SPATA17: variants seen among roughly 807,000 people sequenced by gnomAD.
SPATA17 encodes spermatogenesis-associated protein 17.
A neutral mutation model predicts 62.2 loss-of-function variants in SPATA17; 53 were observed. That is an observed-to-expected ratio of 0.85 (90% CI 0.68 to 1.07). The LOEUF is 1.07. Among genes scored for constraint, SPATA17 ranks in the 50% least tolerant of loss-of-function variants. The pLI, the probability that SPATA17 is intolerant of heterozygous loss-of-function variation, is 0.00. For synonymous variants in SPATA17, 146 were observed against 146.8 expected (o/e 0.99, Z 0.04); for missense variants, 466 against 425.5 (o/e 1.10, Z -0.84).
chr1:217,656,221 A>C (rs1225025312), intron 3 of SPATA17, among the ~76,000 whole-genome samples: 1 of 152,162 alleles, frequency 6.6e-6, no homozygotes, highest in African/African-American at 2.4e-5. Context: ...GATTTCATAC[A>C]TTTCAATAAC....
chr1:217,661,166 G>A (rs529845789), intron 3 of SPATA17, among the ~76,000 whole-genome samples: 2 of 152,130 alleles, frequency 1.3e-5, no homozygotes, highest in East Asian at 3.9e-4. Context: ...AAAAGTATGT[G>A]AACAGTACAG....
intron 9 of SPATA17, among the ~76,000 whole-genome samples, chr1:217,844,061 T>G (rs2103008214): frequency 6.6e-6 from 1 of 152,258 alleles, no homozygotes; most frequent in South Asian, 2.1e-4. Context: ...CTATTCAAGC[T>G]AGTACATTAG....
intron 3 of SPATA17, among the ~76,000 whole-genome samples, chr1:217,667,465 A>T (rs149365039): frequency 3.6e-4 from 55 of 152,248 alleles, no homozygotes; most frequent in Admixed American, 3.3e-3. Context: ...TAGATACTTG[A>T]TCTCATTTTA....
chr1:217,738,699 C>A lies in SPATA17; in HGVS notation c.396-3276C>A, dbSNP rs1672565771. Among the ~76,000 whole-genome samples, 3 of 152,216 alleles carry A rather than the reference C, an allele frequency of 2.0e-5. No individual in the cohort carries two copies. The South Asian group carries it at 6.2e-4, about 32-fold the overall frequency. On this transcript the variant is annotated intron_variant, in intron 5 of 10. Transcript: ENST00000366933. ...GGGTGCGATGGCTCACGCCTGCAAT[C>A]CCAACACTTGGGGAAGCCAAGGCTG... is the stretch of plus-strand genomic sequence containing the variant.
At position 217,650,334 on chromosome 1, in the gene SPATA17, A is replaced by G. The variant is rs139724616; in HGVS notation, c.159-763A>G. 3.8e-3 allele frequency among the ~76,000 whole-genome samples: 584 copies of G among 152,290 alleles called. 4 individuals carry two copies. Among genetic ancestry groups the G allele is most frequent in the African/African-American group, 0.014 (562 of 41,566 alleles). ...GCAGACTAACATGATGTTGGCTTGG[A>G]TAGACTGAGGATTACAGGAAAAGAA... On this transcript the variant is annotated intron_variant, in intron 2 of 10. Coordinates refer to ENST00000366933, the MANE Select transcript of SPATA17 (RefSeq NM_138796.4).
chr1:217,850,477 C>CT (rs72511805), intron 9 of SPATA17: 7 of 1,320,668 alleles, frequency 5.3e-6, no homozygotes, highest in Non-Finnish European at 7.1e-6. Context: ...AAGAGTACAG[C>CT]CTCTTCTAGC....
At chr1:217,656,786 A>G (rs752874214) in intron 3 of SPATA17, among the ~76,000 whole-genome samples, 12 of 152,174 alleles carry the variant, frequency 7.9e-5, no homozygotes, top group Non-Finnish European at 8.8e-5. Context: ...CCCTATGAAT[A>G]TTATCACTAT....
At chr1:217,811,880 C>T (rs780417000) in intron 9 of SPATA17, among the ~76,000 whole-genome samples, 3 of 151,968 alleles carry the variant, frequency 2.0e-5, no homozygotes, top group Non-Finnish European at 4.4e-5. Context: ...TTTTTCTATA[C>T]TTTTATAAAA....
At chr1:217,850,582 C>G in intron 9 of SPATA17, 2 of 1,596,590 alleles carry the variant, frequency 1.3e-6, no homozygotes, top group Non-Finnish European at 1.7e-6. Flanking sequence ...TCACTGGGCT[C>G]CACTTCAAGG....
chr1:217,756,318 T>A (rs1276882456), intron 6 of SPATA17, among the ~76,000 whole-genome samples: 1 of 116,568 alleles, frequency 8.6e-6, no homozygotes, highest in Non-Finnish European at 2.1e-5. Context: ...AATATATTTT[T>A]TGTGGTTTTT....
chr1:217,799,989 C>G (rs1243433823), intron 8 of SPATA17, among the ~76,000 whole-genome samples: 1 of 152,006 alleles, frequency 6.6e-6, no homozygotes, highest in Non-Finnish European at 1.5e-5. Flanking sequence ...AAAAAAGCAT[C>G]CAACTTTTAT....
chr1:217,855,834 C>G (rs953540226), intron 9 of SPATA17, among the ~76,000 whole-genome samples: 2 of 148,630 alleles, frequency 1.3e-5, no homozygotes, highest in African/African-American at 5.0e-5. Context: ...TCAAGCTATT[C>G]TCCTGCCTTA....
At chr1:217,635,119 C>G (rs1238795438) in intron 1 of SPATA17, among the ~76,000 whole-genome samples, 1 of 152,188 alleles carries the variant, frequency 6.6e-6, no homozygotes, top group African/African-American at 2.4e-5. Context: ...TCAAATCTGT[C>G]AAATTCTAAT....
intron 8 of SPATA17, among the ~76,000 whole-genome samples, chr1:217,792,780 T>C (rs767514527): frequency 6.6e-6 from 1 of 151,672 alleles, no homozygotes; most frequent in South Asian, 2.1e-4. Flanking sequence ...TCAAATACAG[T>C]TTTTTTTGTG....
intron 5 of SPATA17, among the ~76,000 whole-genome samples, chr1:217,739,101 T>C (rs898347407): frequency 6.6e-6 from 1 of 152,234 alleles, no homozygotes; most frequent in Non-Finnish European, 1.5e-5. Flanking sequence ...CATTCAAATA[T>C]GTAAAGCTTT....
chr1:217,682,279 T>G (rs1035786868), intron 4 of SPATA17, among the ~76,000 whole-genome samples: 9 of 152,068 alleles, frequency 5.9e-5, no homozygotes, highest in African/African-American at 1.9e-4. Flanking sequence ...GGACAGTGAC[T>G]GATTCTCATG....
chr1:217,643,506 CA>C (rs891869126), intron 1 of SPATA17, among the ~76,000 whole-genome samples: 4 of 152,104 alleles, frequency 2.6e-5, no homozygotes, highest in Non-Finnish European at 4.4e-5. Context: ...CATCTTACCC[CA>C]GGCAGCCCCC....
chr1:217,653,180 C>T (rs1670364538), intron 3 of SPATA17, among the ~76,000 whole-genome samples: 1 of 152,140 alleles, frequency 6.6e-6, no homozygotes, highest in Non-Finnish European at 1.5e-5. Context: ...CATAGGCATA[C>T]AATTTTTATA....
intron 1 of SPATA17, among the ~76,000 whole-genome samples, chr1:217,635,200 G>A (rs1669908782): frequency 6.6e-6 from 1 of 152,144 alleles, no homozygotes; most frequent in Admixed American, 6.5e-5. Context: ...ATCTGAGACA[G>A]GCTTCAGTCA....
Sources: allele counts gnomAD v4.1 joint callset (sites outside exome capture counted in the v4.1 genomes callset), GRCh38; gene constraint gnomAD v4.1.1; transcripts MANE v1.5; gene names NCBI Gene and HGNC (gene_info 2026-07-23, HGNC 2026-07-21).